Variants in SENP6 observed in about 807,000 individuals in gnomAD.
The protein encoded by SENP6 is sentrin-specific protease 6.
Under a neutral mutation model 134.5 loss-of-function variants are expected in SENP6, and 41 were observed. The ratio of observed to expected loss-of-function variants is 0.30; its 90% CI spans 0.24 to 0.40. The LOEUF (loss-of-function observed/expected upper bound fraction) is 0.40. Among genes scored for constraint, SENP6 ranks in the 10% least tolerant of loss-of-function variants. SENP6 has a pLI of 1.00. For missense variants in SENP6, 1,248 were observed against 1,312.5 expected (o/e 0.95, Z 0.76); for synonymous variants, 395 against 429.8 (o/e 0.92, Z 1.00).
At chr6:75,707,584 C>T (rs919286705) in intron 19 of SENP6, among the ~76,000 whole-genome samples, 1 of 151,914 alleles carries the variant, frequency 6.6e-6, no homozygotes, top group Non-Finnish European at 1.5e-5. Flanking sequence ...TCTCAAACTT[C>T]TGTGTTCAAG....
intron 6 of SENP6, among the ~76,000 whole-genome samples, chr6:75,641,456 T>G (rs529951147): frequency 1.6e-3 from 242 of 152,310 alleles, no homozygotes; most frequent in Non-Finnish European, 2.8e-3. Flanking sequence ...AGTTAAAACT[T>G]TAAACATCAA....
chr6:75,655,808 A>AT (rs1226645450), intron 7 of SENP6, among the ~76,000 whole-genome samples: 1 of 152,058 alleles, frequency 6.6e-6, no homozygotes, highest in African/African-American at 2.4e-5. Flanking sequence ...TTTTAACTTG[A>AT]TTTTTTAAAT....
intron 3 of SENP6, among the ~76,000 whole-genome samples, chr6:75,627,139 T>G (rs1451658769): frequency 2.0e-5 from 3 of 152,104 alleles, no homozygotes; most frequent in African/African-American, 7.2e-5. Context: ...ACTTTTGTAT[T>G]TTAGTAGAGC....
intron 7 of SENP6, among the ~76,000 whole-genome samples, chr6:75,657,678 AT>A (rs1173978672): frequency 6.6e-6 from 1 of 152,194 alleles, no homozygotes; most frequent in Non-Finnish European, 1.5e-5. Flanking sequence ...CTAAAACGTA[AT>A]TTCTGCTCTT....
intron 16 of SENP6, among the ~76,000 whole-genome samples, chr6:75,685,080 G>C (rs1402921983): frequency 6.6e-6 from 1 of 152,170 alleles, no homozygotes; most frequent in Non-Finnish European, 1.5e-5. Flanking sequence ...TTCAGAGCCT[G>C]TTACTGGTCT....
intron 17 of SENP6, among the ~76,000 whole-genome samples, 168 bp downstream of exon 17, chr6:75,696,091 C>G (rs551176725): frequency 7.4e-4 from 112 of 152,296 alleles, no homozygotes; most frequent in African/African-American, 2.7e-3. Context: ...CATTTTCATT[C>G]TTCATGGGTT....
rs1775153922 is a variant in SENP6, at chr6:75,703,100, G to GA, written c.2716+34dup. Reference sequence around the variant, plus strand: ...ATGTATCTAAATGTTTTGAAAGAATGAAAAAATTCAGAATAATCTGGATTT... The same window carrying GA: ...ATGTATCTAAATGTTTTGAAAGAATGAAAAAAATTCAGAATAATCTGGATTT... On this transcript the variant is annotated intron_variant, in intron 19 of 23. Transcript: ENST00000447266. The GA allele has an allele frequency of 2.7e-6, 4 of 1,490,106 alleles. No homozygotes were observed. In the South Asian group the frequency reaches 5.2e-5, roughly 19 times the overall value. 92.3% of individuals were successfully genotyped at this position (1,490,106 alleles called of 1,614,324 possible).
At chr6:75,710,071 A>G (rs1360772331) in intron 20 of SENP6, among the ~76,000 whole-genome samples, 2 of 152,232 alleles carry the variant, frequency 1.3e-5, no homozygotes, top group African/African-American at 4.8e-5. Context: ...CAAAGCATTT[A>G]TGGGTCATAC....
At chr6:75,668,919 C>A (rs1176003776) in intron 10 of SENP6, among the ~76,000 whole-genome samples, 5 of 152,108 alleles carry the variant, frequency 3.3e-5, no homozygotes, top group Non-Finnish European at 1.5e-5. Flanking sequence ...AGACTAAATC[C>A]TTTATTGTAG....
Position 75,675,883 on chromosome 6 carries a change from A to T in SENP6, c.1450A>T (p.Ile484Phe). The change falls in exon 13 of 24, where the codon ATT becomes TTT. Residue 484 changes from isoleucine (I) to phenylalanine (F), a missense_variant. Physicochemically the swap from Ile to Phe is conservative, Grantham distance 21 (BLOSUM62 0). Transcript: ENST00000447266. The part of the protein sequence containing the change: ...LDEPDHDPVE[I>F]ILNTSDLTKC... Reference sequence around the variant, plus strand: ...AGAACCAGACCATGATCCTGTAGAGATTATATTAAATACCTCTGATCTAAC... The same window carrying T: ...AGAACCAGACCATGATCCTGTAGAGTTTATATTAAATACCTCTGATCTAAC... 1.3e-6 allele frequency: 2 copies of T among 1,599,690 alleles called. No homozygotes were observed. Among genetic ancestry groups the T allele is most frequent in the Non-Finnish European group, 1.7e-6 (2 of 1,175,644 alleles).
chr6:75,654,702 A>G (rs929279181), intron 7 of SENP6, among the ~76,000 whole-genome samples: 2 of 152,226 alleles, frequency 1.3e-5, no homozygotes, highest in African/African-American at 4.8e-5. Context: ...GTATTCTATC[A>G]CTGTCGTCTG....
Position 75,659,340 on chromosome 6 carries a change from A to G in SENP6, c.629A>G (p.His210Arg), listed in dbSNP as rs1402033304. Reference protein sequence around the residue: ...EIKRKVQQKRHCSTYQPTPPL... With the variant: ...EIKRKVQQKRRCSTYQPTPPL... ...AAGAGGAAAGTACAACAGAAACGACACTGTAGTACCTATCAGCCTACTCCT... is the reference window on the plus strand; with the variant it reads ...AAGAGGAAAGTACAACAGAAACGACGCTGTAGTACCTATCAGCCTACTCCT... The change falls in exon 8 of 24, where the codon CAC becomes CGC. Residue 210 changes from histidine (H) to arginine (R), a missense_variant. Coordinates refer to ENST00000447266, the MANE Select transcript of SENP6 (RefSeq NM_015571.4). The G allele has an allele frequency of 6.2e-7, 1 of 1,609,406 alleles. No individual in the cohort carries two copies. Among genetic ancestry groups the G allele is most frequent in the East Asian group, 2.2e-5 (1 of 44,808 alleles).
chr6:75,640,745 G>T, intron 6 of SENP6, 41 bp downstream of exon 6: 1 of 1,231,982 alleles, frequency 8.1e-7, no homozygotes, highest in Non-Finnish European at 1.1e-6. Context: ...GGATATAGTG[G>T]TAAAATATAA....
At chr6:75,712,441 C>T (rs1022950342) in intron 21 of SENP6, among the ~76,000 whole-genome samples, 1 of 151,942 alleles carries the variant, frequency 6.6e-6, no homozygotes, top group Admixed American at 6.6e-5. Context: ...CTTCTGAAGA[C>T]CAAAGCAGGA....
intron 2 of SENP6, among the ~76,000 whole-genome samples, chr6:75,623,109 A>C (rs919165668): frequency 3.3e-5 from 5 of 152,224 alleles, no homozygotes; most frequent in Non-Finnish European, 7.3e-5. Context: ...ACAACATTTT[A>C]CATTTTTGTG....
chr6:75,603,942 CA>C (rs1170104406), intron 1 of SENP6, among the ~76,000 whole-genome samples: 1 of 152,078 alleles, frequency 6.6e-6, no homozygotes, highest in Non-Finnish European at 1.5e-5. Flanking sequence ...ACCTCCATTC[CA>C]GTTTGCGGAA....
At chr6:75,636,982 G>C (rs140968045) in intron 5 of SENP6, among the ~76,000 whole-genome samples, 1 of 151,554 alleles carries the variant, frequency 6.6e-6, no homozygotes, top group Non-Finnish European at 1.5e-5. Context: ...CTGGTCTCAA[G>C]CAATCCTTCC....
intron 2 of SENP6, among the ~76,000 whole-genome samples, chr6:75,621,941 C>A (rs1768307327): frequency 6.6e-6 from 1 of 152,110 alleles, no homozygotes; most frequent in Non-Finnish European, 1.5e-5. Flanking sequence ...TCTGTTCAGG[C>A]AGCAATTTGG....
At chr6:75,703,743 CAG>C (rs1353954250) in intron 19 of SENP6, among the ~76,000 whole-genome samples, 2 of 152,030 alleles carry the variant, frequency 1.3e-5, no homozygotes, top group Non-Finnish European at 2.9e-5. Flanking sequence ...GCCTGGGTGA[CAG>C]AGTGAAACTC....
Sources: gnomAD v4.1 joint callset for allele counts (sites outside exome capture counted in the v4.1 genomes callset) on GRCh38, gnomAD v4.1.1 for gene constraint, MANE v1.5 for transcripts, NCBI Gene and HGNC (gene_info 2026-07-23, HGNC 2026-07-21) for gene names.